The following AKR1C1 variants were observed in gnomAD, a reference collection of about 807,000 sequenced individuals.
AKR1C1 encodes the protein 20 alpha-hydroxysteroid dehydrogenase.
Under a neutral mutation model 40.6 loss-of-function variants are expected in AKR1C1, and 32 were observed. The observed-to-expected ratio is 0.79, with a 90% CI of 0.60 to 1.06. AKR1C1 has a LOEUF of 1.06. Ranked by LOEUF, AKR1C1 falls within the 50% of genes least tolerant of loss-of-function variation. The pLI is 0.00. For missense variants in AKR1C1, 320 were observed against 363.5 expected, an observed-to-expected ratio of 0.88 and a Z score of 0.97; for synonymous variants, 105 against 134.2, an observed-to-expected ratio of 0.78 and a Z score of 1.50.
chr10:4,977,804 T>C lies in AKR1C1; in HGVS notation c.*62T>C, dbSNP rs1430972437. ...TGCGTGTGGATGGTGACACAGAGGA[T>C]GGCTCTATGCTGGTGACTGGACACA... On this transcript the variant is annotated 3_prime_UTR_variant, in exon 9 of 9. Coordinates refer to ENST00000380872, the MANE Select transcript of AKR1C1 (RefSeq NM_001353.6). 5 of 1,480,508 alleles carry C rather than the reference T, an allele frequency of 3.4e-6. No homozygotes were observed. Among genetic ancestry groups the C allele is most frequent in the Non-Finnish European group, 4.7e-6 (5 of 1,064,848 alleles). 91.7% of individuals were successfully genotyped at this position (1,480,508 alleles called of 1,614,324 possible).
At chr10:4,971,546 T>G (rs374801805) in intron 5 of AKR1C1, among the ~76,000 whole-genome samples, 1 of 147,494 alleles carries the variant, frequency 6.8e-6, no homozygotes, top group African/African-American at 2.5e-5. Flanking sequence ...AAGAAGAATG[T>G]GATCAAAGAC....
intron 5 of AKR1C1, among the ~76,000 whole-genome samples, chr10:4,970,831 G>T (rs1836413736): frequency 8.9e-6 from 1 of 112,036 alleles, no homozygotes. Flanking sequence ...GAGGGGGGAG[G>T]GATAGCACTG....
At chr10:4,971,295 C>T (rs1320188018) in intron 5 of AKR1C1, among the ~76,000 whole-genome samples, 7 of 151,986 alleles carry the variant, frequency 4.6e-5, no homozygotes, top group African/African-American at 4.8e-5. Context: ...ACTACTATTC[C>T]TCTAAGTGAG....
intron 5 of AKR1C1, among the ~76,000 whole-genome samples, chr10:4,971,947 T>C (rs1588561817): frequency 6.7e-6 from 1 of 149,600 alleles, no homozygotes; most frequent in African/African-American, 2.5e-5. Flanking sequence ...ATTGGCCGTG[T>C]CTCGTTCTAG....
rs1347724234 is a variant in AKR1C1, at chr10:4,963,810, G to C, written c.84+282G>C. On this transcript the variant is annotated intron_variant, in intron 1 of 8. Transcript: ENST00000380872. ...CTCTTGAAGATTGATTGCAATGGGA[G>C]TGGTTTCTCTGTTTCTTTGTATAGT... 3.3e-5 allele frequency: 25 copies of C among 752,754 alleles called. No homozygotes were observed. In the Admixed American group the frequency reaches 4.5e-4, roughly 14 times the overall value. 46.6% of individuals were successfully genotyped at this position (752,754 alleles called of 1,614,324 possible). A position where few individuals can be genotyped will look rare whatever the true frequency, so the allele number is the denominator to read the frequency against.
intron 8 of AKR1C1, among the ~76,000 whole-genome samples, chr10:4,976,540 C>T (rs549683547): frequency 4.5e-4 from 69 of 152,286 alleles, no homozygotes; most frequent in African/African-American, 1.5e-3. Context: ...GAGCACTTGG[C>T]CTTGGTGTTC....
At chr10:4,967,741 T>C (rs1836354924) in intron 3 of AKR1C1, 1 of 654,484 alleles carries the variant, frequency 1.5e-6, no homozygotes, top group Non-Finnish European at 1.9e-6. Context: ...ACAAAAGGCT[T>C]TTTAAGTATT....
At position 4,980,716 on chromosome 10, in the gene AKR1C1, T is replaced by C. The variant is rs1470502390; in HGVS notation, c.*2974T>C. ...TAGTTGTCTTGCTATTTCCACCACA[T>C]CTGCAATTACTTTCTCCACTGAAAT... On this transcript the variant is annotated 3_prime_UTR_variant, in exon 9 of 9. Transcript: ENST00000380872. The C allele has an allele frequency of 6.6e-6, 1 of 151,776 alleles. No homozygotes were observed. Among genetic ancestry groups the C allele is most frequent in the African/African-American group, 2.4e-5 (1 of 41,366 alleles). The allele number at this position is 151,776 out of a possible 1,614,324, so 9.4% of individuals were successfully genotyped here.
Position 4,972,193 on chromosome 10 carries a change from G to A in AKR1C1, c.571-8G>A, listed in dbSNP as rs782395576. On this transcript the variant is annotated splice_polypyrimidine_tract_variant and splice_region_variant and intron_variant, in intron 5 of 8. Coordinates refer to ENST00000380872, the MANE Select transcript of AKR1C1 (RefSeq NM_001353.6). ...TATCTGATGCTTTTCCATCTTGCTC[G>A]TCTGCAGGTGGAATGTCATCCTTAC... is the stretch of plus-strand genomic sequence containing the variant. 31 of 1,612,768 alleles carry A rather than the reference G, an allele frequency of 1.9e-5. No individual in the cohort carries two copies. Among genetic ancestry groups the A allele is most frequent in the Admixed American group, 1.7e-4 (10 of 59,886 alleles).
chr10:4,982,281 T>A lies in AKR1C1; in HGVS notation c.*4539T>A, dbSNP rs1196256798. The A allele has an allele frequency of 2.0e-5, 3 of 152,126 alleles. No individual in the cohort carries two copies. Among genetic ancestry groups the A allele is most frequent in the Admixed American group, 2.0e-4 (3 of 15,272 alleles). 9.4% of individuals were successfully genotyped at this position (152,126 alleles called of 1,614,324 possible). Reference sequence around the variant, plus strand: ...TGACCTCATAAAGCCATCTAGTGGATGTTTGTGGCTTAACAAGCCCCTTCA... The same window carrying A: ...TGACCTCATAAAGCCATCTAGTGGAAGTTTGTGGCTTAACAAGCCCCTTCA... On this transcript the variant is annotated 3_prime_UTR_variant, in exon 9 of 9. Coordinates refer to ENST00000380872, the MANE Select transcript of AKR1C1 (RefSeq NM_001353.6).
chr10:4,977,852 T>C lies in AKR1C1; in HGVS notation c.*110T>C, dbSNP rs1233588727. ...ACATCGCCTCTGGTTAAATCTCTCC[T>C]GCTTGGTGATTTCAGCAAGCTACAG... On this transcript the variant is annotated 3_prime_UTR_variant, in exon 9 of 9. Transcript: ENST00000380872. 5.4e-5 allele frequency: 79 copies of C among 1,466,372 alleles called. No homozygotes were observed. In the East Asian group the frequency reaches 1.9e-3, roughly 34 times the overall value. 90.8% of individuals were successfully genotyped at this position (1,466,372 alleles called of 1,614,324 possible).
Position 4,978,991 on chromosome 10 carries a change from T to A in AKR1C1, c.*1249T>A, listed in dbSNP as rs1211935774. On this transcript the variant is annotated 3_prime_UTR_variant, in exon 9 of 9. Transcript: ENST00000380872. ...ATCTCATGCCTTAATGATCAAAGCA[T>A]TATGAGAAGGACAGTGGTTTTTAAC... 1.3e-5 allele frequency: 2 copies of A among 152,220 alleles called. No homozygotes were observed. Among genetic ancestry groups the A allele is most frequent in the African/African-American group, 4.8e-5 (2 of 41,442 alleles). The allele number at this position is 152,220 out of a possible 1,614,324, so 9.4% of individuals were successfully genotyped here. A position where few individuals can be genotyped will look rare whatever the true frequency, so the allele number is the denominator to read the frequency against.
intron 7 of AKR1C1, among the ~76,000 whole-genome samples, chr10:4,974,946 T>C (rs1836502893): frequency 6.6e-6 from 1 of 152,138 alleles, no homozygotes; most frequent in Admixed American, 6.5e-5. Flanking sequence ...GTTTAGTCTC[T>C]TGTTGACATT....
intron 5 of AKR1C1, chr10:4,969,810 T>C: frequency 6.7e-7 from 1 of 1,492,288 alleles, no homozygotes; most frequent in Non-Finnish European, 9.1e-7. Flanking sequence ...TTACATTTTT[T>C]TGTTTTATTT....
intron 5 of AKR1C1, among the ~76,000 whole-genome samples, chr10:4,970,718 C>G (rs548015141): frequency 2.0e-5 from 3 of 149,644 alleles, no homozygotes; most frequent in African/African-American, 7.4e-5. Flanking sequence ...GAACAAAAAA[C>G]CAAACACCGC....
In AKR1C1 at chr10:4,981,523, G is replaced by A. The variant is rs1323008304; in HGVS notation, c.*3781G>A. On this transcript the variant is annotated 3_prime_UTR_variant, in exon 9 of 9. Transcript: ENST00000380872. ...GCCTCTCCCACTTGGAGATTAGTGT[G>A]TAGAGATTTACATTGTGAATTTCTT... 2.6e-5 allele frequency: 4 copies of A among 152,198 alleles called. No individual in the cohort carries two copies. The highest frequency in any genetic ancestry group is 5.9e-5 in the Non-Finnish European group (4 of 68,038). 9.4% of individuals were successfully genotyped at this position (152,198 alleles called of 1,614,324 possible).
Position 4,981,586 on chromosome 10 carries a change from A to C in AKR1C1, c.*3844A>C, listed in dbSNP as rs549726777. On this transcript the variant is annotated 3_prime_UTR_variant, in exon 9 of 9. Coordinates refer to ENST00000380872, the MANE Select transcript of AKR1C1 (RefSeq NM_001353.6). ...TGCAGAGACTTAACAGATATATGAA[A>C]AAATTTCACATACACTCTGAAGAAG... 7 of 152,352 alleles carry C rather than the reference A, an allele frequency of 4.6e-5. No homozygotes were observed. In the South Asian group the frequency reaches 1.5e-3, roughly 32 times the overall value. The allele number at this position is 152,352 out of a possible 1,614,324, so 9.4% of individuals were successfully genotyped here.
chr10:4,972,341 A>T, intron 6 of AKR1C1, 31 bp downstream of exon 6: 1 of 1,574,850 alleles, frequency 6.3e-7, no homozygotes, highest in Non-Finnish European at 8.6e-7. Flanking sequence ...TTTACCTAAA[A>T]CACCGGTTTG....
intron 5 of AKR1C1, among the ~76,000 whole-genome samples, chr10:4,970,774 T>C (rs1333656682): frequency 1.5e-4 from 19 of 122,902 alleles, no homozygotes; most frequent in African/African-American, 5.7e-4. Flanking sequence ...ATCACATGGA[T>C]ACAGGAAGGG....
Sources: allele counts gnomAD v4.1 joint callset (sites outside exome capture counted in the v4.1 genomes callset), GRCh38; gene constraint gnomAD v4.1.1; transcripts MANE v1.5; gene names NCBI Gene and HGNC (gene_info 2026-07-23, HGNC 2026-07-21).